The following COL26A1 variants were observed in gnomAD, a reference collection of about 807,000 sequenced individuals.
COL26A1 encodes the protein collagen alpha-1(XXVI) chain.
COL26A1 carries 41 observed loss-of-function variants against 59.3 expected under a neutral mutation model. That is an observed-to-expected ratio of 0.69 (90% CI 0.54 to 0.90). The LOEUF (loss-of-function observed/expected upper bound fraction) is 0.90. Ranked by LOEUF, COL26A1 falls within the 40% of genes least tolerant of loss-of-function variation. The probability of loss-of-function intolerance (pLI) is 0.00; values close to 1 mark genes in which losing one functional copy is unlikely to be tolerated. For missense variants in COL26A1, 612 were observed against 602.3 expected, an observed-to-expected ratio of 1.02 and a Z score of -0.17; for synonymous variants, 266 against 256.0, an observed-to-expected ratio of 1.04 and a Z score of -0.37.
chr7:101,415,575 C>T (rs1024196400), intron 1 of COL26A1, among the ~76,000 whole-genome samples: 2 of 152,104 alleles, frequency 1.3e-5, no homozygotes, highest in African/African-American at 2.4e-5. Context: ...TTTCCTGGTG[C>T]CTGTGAGAAG....
At chr7:101,459,391 C>A (rs1230437552) in intron 3 of COL26A1, among the ~76,000 whole-genome samples, 1 of 152,088 alleles carries the variant, frequency 6.6e-6, no homozygotes, top group Non-Finnish European at 1.5e-5. Flanking sequence ...CCTCTGCCTC[C>A]TGGGCTGAAG....
intron 1 of COL26A1, among the ~76,000 whole-genome samples, chr7:101,400,801 C>T (rs1423475228): frequency 1.3e-5 from 2 of 152,166 alleles, no homozygotes; most frequent in Non-Finnish European, 2.9e-5. Flanking sequence ...TCAGGTGATC[C>T]ACCCACCTTG....
At chr7:101,547,303 GGGGCC>G (rs1237864241) in intron 8 of COL26A1, 64 bp downstream of exon 8, 16 of 1,137,610 alleles carry the variant, frequency 1.4e-5, no homozygotes, top group African/African-American at 3.1e-5. Context: ...CCTGAGCCAT[GGGGCC>G]TTGAGGGGAG....
At chr7:101,448,152 G>A (rs1793246250) in intron 3 of COL26A1, among the ~76,000 whole-genome samples, 1 of 152,250 alleles carries the variant, frequency 6.6e-6, no homozygotes, top group South Asian at 2.1e-4. Context: ...TGGGCTCTGA[G>A]CAAATGCGGA....
At chr7:101,369,627 T>TC (rs1791137883) in intron 1 of COL26A1, among the ~76,000 whole-genome samples, 1 of 149,980 alleles carries the variant, frequency 6.7e-6, no homozygotes, top group African/African-American at 2.4e-5. Context: ...ATTTTTGTAT[T>TC]TTTTTTTAGT....
chr7:101,539,897 T>G lies in COL26A1; in HGVS notation c.452T>G (p.Leu151Arg), dbSNP rs370315124. The change falls in exon 5 of 13, where the codon CTC becomes CGC. Residue 151 changes from leucine to arginine, a missense_variant. Physicochemically the swap from Leu to Arg is moderately radical, Grantham distance 102. Coordinates refer to ENST00000313669, the MANE Select transcript of COL26A1 (RefSeq NM_001278563.3). ...ERLTTLEAKV[L>R]LLEAAERPSS... ...TCTCTATCTCCTTTGGCCCAGGTCC[T>G]CCTGCTAGAAGCAGCAGAACGGCCC... 6.2e-6 allele frequency: 10 copies of G among 1,611,236 alleles called. No homozygotes were observed. Among genetic ancestry groups the G allele is most frequent in the South Asian group, 2.2e-5 (2 of 90,932 alleles).
Position 101,401,723 on chromosome 7 carries a change from G to C in COL26A1, c.159-18254G>C, listed in dbSNP as rs1051400033. ...AAGAGTAGGAGGTAGAGGAAGAGGAGGAGAAGGAAGAGAAGGAGGAGGAAG... is the reference window on the plus strand; with the variant it reads ...AAGAGTAGGAGGTAGAGGAAGAGGACGAGAAGGAAGAGAAGGAGGAGGAAG... On this transcript the variant is annotated intron_variant, in intron 1 of 12. Transcript: ENST00000313669. Among the ~76,000 whole-genome samples, 3 of 149,682 alleles carry C rather than the reference G, an allele frequency of 2.0e-5. No individual in the cohort carries two copies. In the East Asian group the frequency reaches 5.9e-4, roughly 30 times the overall value.
At chr7:101,488,461 T>G (rs1444772992) in intron 3 of COL26A1, among the ~76,000 whole-genome samples, 1 of 148,700 alleles carries the variant, frequency 6.7e-6, no homozygotes, top group East Asian at 2.0e-4. Flanking sequence ...CTGCAGTCTC[T>G]GCTTCCTGGG....
chr7:101,462,094 G>C (rs1793629160), intron 3 of COL26A1, among the ~76,000 whole-genome samples: 1 of 148,852 alleles, frequency 6.7e-6, no homozygotes, highest in South Asian at 2.1e-4. Flanking sequence ...CTGCTTCCCA[G>C]TTTCAAGTGA....
In COL26A1 at chr7:101,401,343, T is replaced by C. The variant is rs927916306; in HGVS notation, c.159-18634T>C. Reference sequence around the variant, plus strand: ...ATGATGAGGGTGATGATGAAAGCTATGTCAGCGGGATGGTCTCTAAAGCCT... The same window carrying C: ...ATGATGAGGGTGATGATGAAAGCTACGTCAGCGGGATGGTCTCTAAAGCCT... On this transcript the variant is annotated intron_variant, in intron 1 of 12. Coordinates refer to ENST00000313669, the MANE Select transcript of COL26A1 (RefSeq NM_001278563.3). 3.9e-5 allele frequency among the ~76,000 whole-genome samples: 6 copies of C among 152,054 alleles called. No individual in the cohort carries two copies. In the East Asian group the frequency reaches 1.2e-3, roughly 29 times the overall value.
intron 3 of COL26A1, among the ~76,000 whole-genome samples, chr7:101,460,703 C>A (rs1793589573): frequency 6.6e-6 from 1 of 152,036 alleles, no homozygotes; most frequent in African/African-American, 2.4e-5. Flanking sequence ...ATCGCTTGAA[C>A]CCGGGAGGCG....
At chr7:101,425,091 T>A (rs556200493) in intron 2 of COL26A1, among the ~76,000 whole-genome samples, 11 of 151,614 alleles carry the variant, frequency 7.3e-5, no homozygotes, top group Non-Finnish European at 1.6e-4. Context: ...CCCAGTTAAT[T>A]TAAAAAAAAT....
chr7:101,489,838 CTTTCTTTCTT>C lies in COL26A1; in HGVS notation c.385+42053_385+42062del, dbSNP rs1794400474. Among the ~76,000 whole-genome samples, 24 of 18,032 alleles carry C rather than the reference CTTTCTTTCTT, an allele frequency of 1.3e-3. 3 individuals carry two copies. Among genetic ancestry groups the C allele is most frequent in the African/African-American group, 8.9e-3 (22 of 2,476 alleles). 11.8% of individuals were successfully genotyped at this position (18,032 alleles called of 152,430 possible). On this transcript the variant is annotated intron_variant, in intron 3 of 12. Transcript: ENST00000313669. ...TCTTTCTTTCTTTCTTTCTTTCTTT[CTTTCTTTCTT>C]TCTTTCTTTCTTTCTTTCTTTCTTT...
intron 3 of COL26A1, among the ~76,000 whole-genome samples, chr7:101,502,600 C>G (rs535102704): frequency 1.3e-5 from 2 of 151,888 alleles, no homozygotes; most frequent in East Asian, 1.9e-4. Context: ...GGACCGGGGC[C>G]GGAGTTGGGC....
At chr7:101,488,381 C>A (rs1285682133) in intron 3 of COL26A1, among the ~76,000 whole-genome samples, 1 of 127,710 alleles carries the variant, frequency 7.8e-6, no homozygotes, top group Non-Finnish European at 1.6e-5. Flanking sequence ...TATATATACA[C>A]ACACATTTTT....
chr7:101,545,577 G>A (rs1296349318), intron 7 of COL26A1, 87 bp downstream of exon 7: 1 of 1,393,242 alleles, frequency 7.2e-7, no homozygotes, highest in Non-Finnish European at 9.5e-7. Flanking sequence ...ATCCTGGGAA[G>A]TGGACCCCAC....
chr7:101,533,249 C>T (rs62465091), intron 4 of COL26A1, 106 bp downstream of exon 4: 76,577 of 856,098 alleles, frequency 0.089, 3,970 homozygotes, highest in Middle Eastern at 0.12. Context: ...TTCCCAGCCC[C>T]GGGTTTCCAA....
intron 1 of COL26A1, among the ~76,000 whole-genome samples, chr7:101,381,066 C>A (rs1431822297): frequency 6.6e-6 from 1 of 152,146 alleles, no homozygotes; most frequent in East Asian, 1.9e-4. Context: ...TAACAAATTA[C>A]CACAAATTTA....
rs757870255 is a variant in COL26A1, at chr7:101,385,337, G to GTA, written c.158+22159_158+22160dup. On this transcript the variant is annotated intron_variant, in intron 1 of 12. Coordinates refer to ENST00000313669, the MANE Select transcript of COL26A1 (RefSeq NM_001278563.3). ...TATATATATACTCGACACTAAATATGTATATATATATATGTGTATATATAT... is the reference window on the plus strand; with the variant it reads ...TATATATATACTCGACACTAAATATGTATATATATATATATGTGTATATATAT... Among the ~76,000 whole-genome samples, 130 of 139,870 alleles carry GTA rather than the reference G, an allele frequency of 9.3e-4. 2 individuals carry two copies. The South Asian group carries it at 0.021, about 23-fold the overall frequency. 91.8% of individuals were successfully genotyped at this position (139,870 alleles called of 152,430 possible). A position where few individuals can be genotyped will look rare whatever the true frequency, so the allele number is the denominator to read the frequency against.
Sources: gnomAD v4.1 joint callset for allele counts (sites outside exome capture counted in the v4.1 genomes callset) on GRCh38, gnomAD v4.1.1 for gene constraint, MANE v1.5 for transcripts, NCBI Gene and HGNC (gene_info 2026-07-23, HGNC 2026-07-21) for gene names.